The following XRCC5 variants were observed in gnomAD, a reference collection of about 807,000 sequenced individuals.
The protein encoded by XRCC5 is DNA repair protein Ku80.
Under a neutral mutation model 95.7 loss-of-function variants are expected in XRCC5, and 12 were observed. The ratio of observed to expected loss-of-function variants is 0.13; its 90% CI spans 0.08 to 0.20. The LOEUF (loss-of-function observed/expected upper bound fraction) is 0.20. Ranked by LOEUF, XRCC5 falls within the 10% of genes least tolerant of loss-of-function variation. XRCC5 has a pLI of 1.00. For missense variants in XRCC5, 595 were observed against 873.9 expected, an observed-to-expected ratio of 0.68 and a Z score of 4.02; for synonymous variants, 281 against 290.3, an observed-to-expected ratio of 0.97 and a Z score of 0.33.
intron 17 of XRCC5, 66 bp downstream of exon 17, chr2:216,190,400 A>T: frequency 7.2e-7 from 1 of 1,394,298 alleles, no homozygotes; most frequent in Non-Finnish European, 1.0e-6. Context: ...AAAGAGGCAT[A>T]CAGCATCCTG....
intron 3 of XRCC5, chr2:216,117,542 T>G (rs1206955660): frequency 2.0e-6 from 1 of 504,354 alleles, no homozygotes; most frequent in South Asian, 3.7e-5. Context: ...ATTTCTTGGT[T>G]GTTTTTGGCA....
intron 7 of XRCC5, among the ~76,000 whole-genome samples, chr2:216,127,164 CG>C (rs887164989): frequency 6.6e-5 from 10 of 152,064 alleles, no homozygotes; most frequent in African/African-American, 2.4e-4. Context: ...CACTTAATCC[CG>C]GGAGGCGGAG....
intron 2 of XRCC5, among the ~76,000 whole-genome samples, chr2:216,116,133 C>T (rs912704266): frequency 6.6e-6 from 1 of 152,116 alleles, no homozygotes; most frequent in Non-Finnish European, 1.5e-5. Flanking sequence ...TTTGCATTCT[C>T]CTGTTTGATA....
intron 13 of XRCC5, among the ~76,000 whole-genome samples, chr2:216,144,940 TA>T (rs1688594397): frequency 6.6e-6 from 1 of 151,990 alleles, no homozygotes; most frequent in Non-Finnish European, 1.5e-5. Flanking sequence ...CATACCCCAA[TA>T]AAAATCAGCG....
At chr2:216,195,752 G>A (rs1455204448) in intron 19 of XRCC5, among the ~76,000 whole-genome samples, 1 of 152,112 alleles carries the variant, frequency 6.6e-6, no homozygotes, top group East Asian at 1.9e-4. Flanking sequence ...TGTACCTCAA[G>A]GTTGTGATGA....
At chr2:216,173,621 T>G (rs1689213739) in intron 16 of XRCC5, among the ~76,000 whole-genome samples, 2 of 152,390 alleles carry the variant, frequency 1.3e-5, no homozygotes, top group South Asian at 4.1e-4. Flanking sequence ...TTGAATAATG[T>G]CACCCAAAGT....
Position 216,132,338 on chromosome 2 carries a change from T to A in XRCC5, c.1064T>A (p.Phe355Tyr). The A allele has an allele frequency of 6.2e-7, 1 of 1,614,016 alleles. No individual in the cohort carries two copies. The highest frequency in any genetic ancestry group is 8.5e-7 in the Non-Finnish European group (1 of 1,179,884). ...CCTCTCTTGTAGGTTCAGAGAAGATTCTTCATGGGAAATCAAGTTCTAAAG... is the reference window on the plus strand; with the variant it reads ...CCTCTCTTGTAGGTTCAGAGAAGATACTTCATGGGAAATCAAGTTCTAAAG... ...FCKSSQVQRR[F>Y]FMGNQVLKVF... The change falls in exon 10 of 21, where the codon TTC becomes TAC. Residue 355 changes from phenylalanine to tyrosine, a missense_variant. Physicochemically the swap from Phe to Tyr is conservative, Grantham distance 22. Around this residue, in one of 2 missense-constraint regions of XRCC5, gnomAD observed 286 missense variants for 491.1 expected, o/e 0.58. Transcript: ENST00000392132.
intron 16 of XRCC5, among the ~76,000 whole-genome samples, chr2:216,168,729 A>G (rs1689097272): frequency 6.6e-6 from 1 of 152,264 alleles, no homozygotes; most frequent in Non-Finnish European, 1.5e-5. Context: ...AAATTTAGAA[A>G]AAGAGAGCTT....
chr2:216,179,682 C>G (rs1043779865), intron 16 of XRCC5, among the ~76,000 whole-genome samples: 1 of 152,126 alleles, frequency 6.6e-6, no homozygotes, highest in African/African-American at 2.4e-5. Flanking sequence ...CTAGAAGCAT[C>G]AGGGAGGTCC....
rs1301950906 is a variant in XRCC5, at chr2:216,130,959, C to G, written c.1022C>G (p.Ser341Cys). ...TATAAATCGGAGGGGAAGTGCTTCTCTGTTTTGGGATTTTGTAAATCTTCT... is the reference window on the plus strand; with the variant it reads ...TATAAATCGGAGGGGAAGTGCTTCTGTGTTTTGGGATTTTGTAAATCTTCT... ...MKYKSEGKCFSVLGFCKSSQV... is the reference protein window; with the variant it reads ...MKYKSEGKCFCVLGFCKSSQV... The change falls in exon 9 of 21, where the codon TCT becomes TGT. Residue 341 changes from serine to cysteine, a missense_variant. Ser to Cys is a moderately radical substitution (Grantham distance 112, BLOSUM62 -1). Transcript: ENST00000392132. 1 of 1,613,272 alleles carries G rather than the reference C, an allele frequency of 6.2e-7. No homozygotes were observed. The highest frequency in any genetic ancestry group is 8.5e-7 in the Non-Finnish European group (1 of 1,179,606).
intron 16 of XRCC5, among the ~76,000 whole-genome samples, chr2:216,179,394 C>A (rs1022387714): frequency 6.6e-6 from 1 of 151,882 alleles, no homozygotes; most frequent in Non-Finnish European, 1.5e-5. Context: ...AGTAAGGTCA[C>A]GTTGTGAGGT....
intron 14 of XRCC5, among the ~76,000 whole-genome samples, chr2:216,157,245 G>GT (rs1688862259): frequency 7.2e-6 from 1 of 138,006 alleles, no homozygotes; most frequent in African/African-American, 2.6e-5. Flanking sequence ...TTTTGTTGTT[G>GT]TTTTTTGAGA....
At chr2:216,127,699 T>C (rs769207903) in intron 8 of XRCC5, 25 bp downstream of exon 8, 1 of 1,572,090 alleles carries the variant, frequency 6.4e-7, no homozygotes, top group Non-Finnish European at 8.6e-7. Context: ...GTTTTCACTG[T>C]TGCCTAAAAG....
intron 16 of XRCC5, among the ~76,000 whole-genome samples, chr2:216,169,619 G>A (rs1559254883): frequency 6.6e-6 from 1 of 152,102 alleles, no homozygotes; most frequent in Non-Finnish European, 1.5e-5. Flanking sequence ...TTAAGTTTAA[G>A]GGGTGCGACT....
chr2:216,120,976 T>G (rs1005955238), intron 5 of XRCC5, among the ~76,000 whole-genome samples: 10 of 152,196 alleles, frequency 6.6e-5, no homozygotes, highest in African/African-American at 2.2e-4. Flanking sequence ...CCTCAAGTGA[T>G]CCACCTGCCT....
chr2:216,171,861 T>C (rs1475532620), intron 16 of XRCC5, among the ~76,000 whole-genome samples: 2 of 152,260 alleles, frequency 1.3e-5, no homozygotes, highest in African/African-American at 4.8e-5. Flanking sequence ...ATTCTACTTT[T>C]TAAAATAGCT....
intron 16 of XRCC5, among the ~76,000 whole-genome samples, chr2:216,174,321 A>G (rs1241769145): frequency 6.6e-6 from 1 of 152,212 alleles, no homozygotes; most frequent in Admixed American, 6.5e-5. Context: ...CATTCATGTC[A>G]TGGTTTGGAA....
Position 216,181,065 on chromosome 2 carries a change from G to A in XRCC5, c.1835-9160G>A, listed in dbSNP as rs554725114. Among the ~76,000 whole-genome samples the A allele has an allele frequency of 5.9e-5, 9 of 151,946 alleles. No individual in the cohort carries two copies. In the East Asian group the frequency reaches 1.2e-3, roughly 20 times the overall value. Reference sequence around the variant, plus strand: ...CGACCTCAGATCATCCACCCGCCTCGGCCTCCCAAAGTGCTGGGAATACAG... The same window carrying A: ...CGACCTCAGATCATCCACCCGCCTCAGCCTCCCAAAGTGCTGGGAATACAG... On this transcript the variant is annotated intron_variant, in intron 16 of 20. Coordinates refer to ENST00000392132, the MANE Select transcript of XRCC5 (RefSeq NM_021141.4).
In XRCC5 at chr2:216,114,710, T is replaced by A. The variant is rs1162828738; in HGVS notation, c.135+1581T>A. Among the ~76,000 whole-genome samples the A allele has an allele frequency of 5.3e-5, 8 of 152,308 alleles. No individual in the cohort carries two copies. The South Asian group carries it at 1.5e-3, about 28-fold the overall frequency. ...ATTGGTGTCAGGAATTACAGGAATCTTAACAGACAGAAAACACCTGGAGTT... is the reference window on the plus strand; with the variant it reads ...ATTGGTGTCAGGAATTACAGGAATCATAACAGACAGAAAACACCTGGAGTT... On this transcript the variant is annotated intron_variant, in intron 2 of 20. Coordinates refer to ENST00000392132, the MANE Select transcript of XRCC5 (RefSeq NM_021141.4).
Sources: gnomAD v4.1 joint callset for allele counts (sites outside exome capture counted in the v4.1 genomes callset) on GRCh38, gnomAD v4.1.1 for gene constraint, gnomAD v4.1.1 regional missense constraint, MANE v1.5 for transcripts, NCBI Gene and HGNC (gene_info 2026-07-23, HGNC 2026-07-21) for gene names.